UBE2E2: variants seen among roughly 807,000 people sequenced by gnomAD.
The protein encoded by UBE2E2 is ubiquitin-conjugating enzyme E2 E2.
Under a neutral mutation model 24.7 loss-of-function variants are expected in UBE2E2, and 6 were observed. That is an observed-to-expected ratio of 0.24 (90% CI 0.13 to 0.48). The LOEUF (loss-of-function observed/expected upper bound fraction) is 0.48. UBE2E2 is among the 20% of genes least tolerant of loss of function. The probability of loss-of-function intolerance (pLI) is 0.99; values close to 1 mark genes in which losing one functional copy is unlikely to be tolerated. For missense variants in UBE2E2, 169 were observed against 245.0 expected (o/e 0.69, Z 2.07); for synonymous variants, 104 against 83.6 (o/e 1.24, Z -1.33).
chr3:23,301,797 C>T (rs758492038), intron 3 of UBE2E2, among the ~76,000 whole-genome samples: 6 of 152,182 alleles, frequency 3.9e-5, no homozygotes, highest in Non-Finnish European at 8.8e-5. Context: ...AGAACCACTA[C>T]TGTCTTCAAA....
intron 3 of UBE2E2, among the ~76,000 whole-genome samples, chr3:23,405,753 AACCT>A (rs1697341703): frequency 1.3e-5 from 2 of 152,192 alleles, no homozygotes; most frequent in African/African-American, 2.4e-5. Flanking sequence ...GTTTAGTTTT[AACCT>A]TTATTTATGG....
In UBE2E2 at chr3:23,538,207, T is replaced by C. The variant is rs1322361756; in HGVS notation, c.508+5506T>C. ...TATGGCTTTTTTAAAGTGAAAAATA[T>C]TAAGTAGAAATACGTGGCACAACAT... On this transcript the variant is annotated intron_variant, in intron 5 of 5. Transcript: ENST00000396703. Among the ~76,000 whole-genome samples, 10 of 152,282 alleles carry C rather than the reference T, an allele frequency of 6.6e-5. No individual in the cohort carries two copies. In the South Asian group the frequency reaches 1.9e-3, roughly 28 times the overall value.
At chr3:23,392,938 G>A (rs1274748559) in intron 3 of UBE2E2, among the ~76,000 whole-genome samples, 3 of 152,194 alleles carry the variant, frequency 2.0e-5, no homozygotes, top group East Asian at 1.9e-4. Flanking sequence ...AGTCAGAGTG[G>A]CTGAGGACAA....
At chr3:23,403,970 CCTT>C (rs1417033965) in intron 3 of UBE2E2, among the ~76,000 whole-genome samples, 10 of 152,118 alleles carry the variant, frequency 6.6e-5, no homozygotes, top group Non-Finnish European at 1.0e-4. Flanking sequence ...TCTCATTTTG[CCTT>C]CTTCTTCCTG....
intron 3 of UBE2E2, among the ~76,000 whole-genome samples, chr3:23,351,658 G>C (rs1432404264): frequency 4.6e-5 from 7 of 152,152 alleles, no homozygotes; most frequent in Admixed American, 3.3e-4. Context: ...TAATGGTAAA[G>C]GGATCAATTC....
At chr3:23,585,222 A>G (rs1696592483) in intron 5 of UBE2E2, among the ~76,000 whole-genome samples, 1 of 151,980 alleles carries the variant, frequency 6.6e-6, no homozygotes, top group Non-Finnish European at 1.5e-5. Flanking sequence ...AAATAAATCA[A>G]TAAACTGGAC....
intron 3 of UBE2E2, among the ~76,000 whole-genome samples, chr3:23,254,722 G>A (rs1313635415): frequency 6.6e-6 from 1 of 152,124 alleles, no homozygotes; most frequent in Non-Finnish European, 1.5e-5. Context: ...CTGGGGAGGA[G>A]TAGCCAAGAA....
intron 3 of UBE2E2, among the ~76,000 whole-genome samples, chr3:23,455,123 T>A (rs1028390190): frequency 4.6e-5 from 7 of 152,174 alleles, no homozygotes; most frequent in Non-Finnish European, 1.0e-4. Context: ...TCCAAAGGCT[T>A]CCCTGCATGC....
chr3:23,340,931 C>T (rs557149783), intron 3 of UBE2E2, among the ~76,000 whole-genome samples: 20 of 152,168 alleles, frequency 1.3e-4, no homozygotes, highest in African/African-American at 3.9e-4. Context: ...GTACTCCCCC[C>T]ACCAGGAATG....
intron 3 of UBE2E2, among the ~76,000 whole-genome samples, chr3:23,364,625 G>C (rs1016952662): frequency 6.6e-6 from 1 of 152,136 alleles, no homozygotes; most frequent in African/African-American, 2.4e-5. Context: ...AATTGAATCA[G>C]TAATAAAAAG....
intron 4 of UBE2E2, among the ~76,000 whole-genome samples, chr3:23,524,367 G>A (rs981021840): frequency 1.3e-5 from 2 of 152,104 alleles, no homozygotes; most frequent in African/African-American, 4.8e-5. Flanking sequence ...GTAAGAGAAG[G>A]GAAGAAGAAC....
intron 3 of UBE2E2, among the ~76,000 whole-genome samples, chr3:23,256,185 A>T (rs1317838373): frequency 6.6e-6 from 1 of 152,184 alleles, no homozygotes; most frequent in South Asian, 2.1e-4. Flanking sequence ...CTGGTTACAG[A>T]GTTCTTTTTG....
intron 3 of UBE2E2, among the ~76,000 whole-genome samples, chr3:23,431,780 TC>T (rs1698067788): frequency 1.3e-5 from 2 of 152,206 alleles, no homozygotes; most frequent in African/African-American, 4.8e-5. Context: ...AGAAATATCT[TC>T]CTGTTCAAAT....
At position 23,420,930 on chromosome 3, in the gene UBE2E2, A is replaced by G. The variant is rs144156251; in HGVS notation, c.228-78678A>G. ...ATGAAGAACTGTTTTCAGACATGTA[A>G]AATAAGGTAATGTGAATCATGTAGA... is the stretch of plus-strand genomic sequence containing the variant. On this transcript the variant is annotated intron_variant, in intron 3 of 5. Coordinates refer to ENST00000396703, the MANE Select transcript of UBE2E2 (RefSeq NM_152653.4). 2.7e-4 allele frequency among the ~76,000 whole-genome samples: 41 copies of G among 152,340 alleles called. 1 individual carries two copies. The highest frequency in any genetic ancestry group is 9.9e-4 in the African/African-American group (41 of 41,580).
chr3:23,369,606 C>CT (rs1372973184), intron 3 of UBE2E2, among the ~76,000 whole-genome samples: 1 of 152,158 alleles, frequency 6.6e-6, no homozygotes, highest in Non-Finnish European at 1.5e-5. Flanking sequence ...TAAGCATACT[C>CT]TTTGTATATG....
intron 3 of UBE2E2, among the ~76,000 whole-genome samples, chr3:23,249,694 C>T (rs9828660): frequency 2.9e-4 from 44 of 150,984 alleles, no homozygotes; most frequent in Admixed American, 5.9e-4. Context: ...CTTGCTCTTT[C>T]GCGCAGACTG....
intron 3 of UBE2E2, among the ~76,000 whole-genome samples, chr3:23,431,178 C>T (rs1488893160): frequency 2.6e-5 from 4 of 152,124 alleles, no homozygotes; most frequent in Admixed American, 1.3e-4. Context: ...GCTTGAGATA[C>T]GACAAAGGAA....
At chr3:23,548,829 C>T (rs1409787767) in intron 5 of UBE2E2, among the ~76,000 whole-genome samples, 2 of 152,176 alleles carry the variant, frequency 1.3e-5, no homozygotes, top group Non-Finnish European at 2.9e-5. Flanking sequence ...CCATATGACT[C>T]AGCCTGTACT....
intron 3 of UBE2E2, among the ~76,000 whole-genome samples, chr3:23,349,622 C>T (rs1386030830): frequency 1.3e-5 from 2 of 152,316 alleles, no homozygotes; most frequent in African/African-American, 4.8e-5. Flanking sequence ...CACGGAATCT[C>T]GCTGATTGCT....
Sources: gnomAD v4.1 joint callset for allele counts (sites outside exome capture counted in the v4.1 genomes callset) on GRCh38, gnomAD v4.1.1 for gene constraint, MANE v1.5 for transcripts, NCBI Gene and HGNC (gene_info 2026-07-23, HGNC 2026-07-21) for gene names.